PSMA1: variants seen among roughly 807,000 people sequenced by gnomAD.
PSMA1 encodes the protein proteasome 20S subunit alpha 1, also known as proteasome subunit alpha type-1.
Under a neutral mutation model 38.4 loss-of-function variants are expected in PSMA1, and 3 were observed. The observed-to-expected ratio is 0.08, with a 90% CI of 0.04 to 0.20. PSMA1 has a LOEUF of 0.20. PSMA1 is among the 10% of genes least tolerant of loss of function. The probability of loss-of-function intolerance (pLI) is 1.00; values close to 1 mark genes in which losing one functional copy is unlikely to be tolerated. For missense variants in PSMA1, 227 were observed against 325.3 expected (o/e 0.70, Z 2.32); for synonymous variants, 101 against 107.1 (o/e 0.94, Z 0.35).
intron 1 of PSMA1, among the ~76,000 whole-genome samples, chr11:14,631,467 T>A (rs1853010165): frequency 6.6e-6 from 1 of 152,160 alleles, no homozygotes; most frequent in African/African-American, 2.4e-5. Flanking sequence ...TCCATGTAGT[T>A]GAGCGGTTTT....
intron 1 of PSMA1, among the ~76,000 whole-genome samples, chr11:14,642,377 T>C (rs1020765299): frequency 6.6e-6 from 1 of 152,184 alleles, no homozygotes; most frequent in Non-Finnish European, 1.5e-5. Context: ...ACCTTTTGAA[T>C]TTTTATCTTT....
intron 2 of PSMA1, among the ~76,000 whole-genome samples, chr11:14,593,388 A>G (rs1852445303): frequency 6.6e-6 from 1 of 152,156 alleles, no homozygotes; most frequent in South Asian, 2.1e-4. Context: ...AGTTCCTAGA[A>G]TTTTATGGAT....
intron 2 of PSMA1, among the ~76,000 whole-genome samples, chr11:14,572,948 T>G (rs1243322541): frequency 2.0e-5 from 3 of 152,122 alleles, no homozygotes; most frequent in Non-Finnish European, 4.4e-5. Flanking sequence ...ACATACACCC[T>G]CTGAAGACTA....
At chr11:14,595,510 T>C (rs1276776105) in intron 2 of PSMA1, among the ~76,000 whole-genome samples, 4 of 152,256 alleles carry the variant, frequency 2.6e-5, no homozygotes, top group Non-Finnish European at 4.4e-5. Context: ...CCAGTGATGA[T>C]GAGCATTTTT....
chr11:14,545,072 T>C (rs1216066519), intron 2 of PSMA1, among the ~76,000 whole-genome samples: 1 of 152,170 alleles, frequency 6.6e-6, no homozygotes, highest in African/African-American at 2.4e-5. Context: ...TCTGTGGTGA[T>C]AAAAAATGCT....
At chr11:14,572,329 G>A (rs987950321) in intron 2 of PSMA1, among the ~76,000 whole-genome samples, 23 of 152,176 alleles carry the variant, frequency 1.5e-4, no homozygotes, top group African/African-American at 5.6e-4. Flanking sequence ...AGACCACAGT[G>A]CAATCAAACA....
chr11:14,634,381 A>C (rs1015792620), intron 1 of PSMA1, among the ~76,000 whole-genome samples: 38 of 152,306 alleles, frequency 2.5e-4, no homozygotes, highest in African/African-American at 8.4e-4. Flanking sequence ...TGCATGCAAC[A>C]CACACTTTTC....
Position 14,534,190 on chromosome 11 carries a change from A to G in PSMA1, c.22-15149T>C, listed in dbSNP as rs763847952. ...GAGCAAAACTCTGCCTCAAAAATACATACATACATACATACATAAATAAAA... is the reference window on the plus strand; with the variant it reads ...GAGCAAAACTCTGCCTCAAAAATACGTACATACATACATACATAAATAAAA... On this transcript the variant is annotated intron_variant, in intron 2 of 10. Transcript: ENST00000418988. This position sits in a 1 kb window ranked among gnomAD's most constrained non-coding sequence, Gnocchi z 4.5. Among the ~76,000 whole-genome samples, 1 of 151,868 alleles carries G rather than the reference A, an allele frequency of 6.6e-6. No homozygotes were observed. The highest frequency in any genetic ancestry group is 1.5e-5 in the Non-Finnish European group (1 of 67,996).
chr11:14,518,063 GCA>G, intron 2 of PSMA1, 82 bp from the exon 3 acceptor site: 1 of 1,005,582 alleles, frequency 9.9e-7, no homozygotes, highest in Non-Finnish European at 1.4e-6. Flanking sequence ...TATCAGGTGA[GCA>G]CAGTTAAATC....
chr11:14,580,843 G>A (rs141644774), intron 2 of PSMA1, among the ~76,000 whole-genome samples: 16 of 152,242 alleles, frequency 1.1e-4, no homozygotes, highest in African/African-American at 3.6e-4. Flanking sequence ...GGCATAATGG[G>A]GGTTGTTTAA....
intron 1 of PSMA1, among the ~76,000 whole-genome samples, chr11:14,633,872 C>T (rs1048295194): frequency 6.6e-6 from 1 of 152,146 alleles, no homozygotes; most frequent in African/African-American, 2.4e-5. Flanking sequence ...CGGAAAAGCG[C>T]AGTATTAGGG....
chr11:14,600,614 A>G (rs973138364), intron 2 of PSMA1, among the ~76,000 whole-genome samples: 8 of 152,128 alleles, frequency 5.3e-5, no homozygotes, highest in Admixed American at 3.3e-4. Flanking sequence ...ACTGTATTTG[A>G]GCGGGAGTGT....
intron 2 of PSMA1, among the ~76,000 whole-genome samples, chr11:14,565,392 T>C (rs1852057765): frequency 1.3e-5 from 2 of 152,226 alleles, no homozygotes; most frequent in African/African-American, 4.8e-5. Context: ...TTTCATTGAT[T>C]TCTGCCCTTT....
At chr11:14,568,722 C>T (rs1852102488) in intron 2 of PSMA1, among the ~76,000 whole-genome samples, 2 of 152,194 alleles carry the variant, frequency 1.3e-5, no homozygotes, top group African/African-American at 4.8e-5. Flanking sequence ...AGCCTATATC[C>T]TCTTAGGGAG....
chr11:14,537,711 CTT>C (rs368892641), intron 2 of PSMA1, among the ~76,000 whole-genome samples: 18 of 138,344 alleles, frequency 1.3e-4, no homozygotes, highest in Admixed American at 2.2e-4. Context: ...TAAAATTACC[CTT>C]TTTTTTTTTT....
upstream of PSMA1, among the ~76,000 whole-genome samples, chr11:14,520,981 C>A (rs1851518531): frequency 6.6e-6 from 1 of 152,178 alleles, no homozygotes; most frequent in Admixed American, 6.5e-5. Flanking sequence ...TTGATTTCTT[C>A]CACCAGACTT....
chr11:14,629,295 T>C (rs1475129843), intron 1 of PSMA1, among the ~76,000 whole-genome samples: 3 of 152,122 alleles, frequency 2.0e-5, no homozygotes, highest in East Asian at 3.8e-4. Context: ...GTTTTTATGG[T>C]TTTAGGTCTA....
intron 2 of PSMA1, among the ~76,000 whole-genome samples, chr11:14,601,172 C>T (rs111455084): frequency 6.6e-6 from 1 of 152,228 alleles, no homozygotes; most frequent in Admixed American, 6.5e-5. Flanking sequence ...GCAACATGCA[C>T]GGGGTCTTGC....
At chr11:14,520,098 G>A in intron 1 of PSMA1, 199 bp downstream of exon 1, 1 of 786,814 alleles carries the variant, frequency 1.3e-6, no homozygotes, top group East Asian at 2.6e-5. Flanking sequence ...GAAAGCGGTG[G>A]AAAGGCCGCA....
Sources: gnomAD v4.1 joint callset for allele counts (sites outside exome capture counted in the v4.1 genomes callset) on GRCh38, gnomAD v4.1.1 for gene constraint, Gnocchi (gnomAD v3.1) non-coding constraint, MANE v1.5 for transcripts, NCBI Gene and HGNC (gene_info 2026-07-23, HGNC 2026-07-21) for gene names.